Variants in MAGI2 observed in about 807,000 individuals in gnomAD.
The protein encoded by MAGI2 is membrane-associated guanylate kinase, WW and PDZ domain-containing protein 2.
Under a neutral mutation model 133.3 loss-of-function variants are expected in MAGI2, and 35 were observed. The observed-to-expected ratio is 0.26, with a 90% CI of 0.20 to 0.35. The LOEUF is 0.35. MAGI2 is among the 10% of genes least tolerant of loss of function. MAGI2 has a pLI of 1.00. For synonymous variants in MAGI2, 729 were observed against 710.6 expected, an observed-to-expected ratio of 1.03 and a Z score of -0.41; for missense variants, 1,636 against 1,863.4, an observed-to-expected ratio of 0.88 and a Z score of 2.25.
At chr7:79,217,859 G>T (rs1585230886) in intron 1 of MAGI2, among the ~76,000 whole-genome samples, 1 of 151,916 alleles carries the variant, frequency 6.6e-6, no homozygotes, top group East Asian at 1.9e-4. Context: ...AATAAATGGT[G>T]GTTATTATTA....
intron 21 of MAGI2, among the ~76,000 whole-genome samples, chr7:78,041,531 T>C (rs1810845699): frequency 6.6e-6 from 1 of 151,972 alleles, no homozygotes; most frequent in African/African-American, 2.4e-5. Context: ...AAAAATTAGC[T>C]GGGTGTGGTA....
chr7:78,127,341 C>T lies in MAGI2; in HGVS notation c.3279G>A (p.Gln1093=), dbSNP rs757351498. The change falls in exon 19 of 22, where the codon CAG becomes CAA. Residue 1093 remains glutamine (Q), a synonymous_variant. Coordinates refer to ENST00000354212, the MANE Select transcript of MAGI2 (RefSeq NM_012301.4). ...GGGGTTGCCTGTAATCCAGCGGGGG[C>T]TGCCTGTAGTCTGTGAATGGAGGCT... is the stretch of plus-strand genomic sequence containing the variant. ...IRQPPFTDYR[Q]PPLDYRQPPG... The T allele has an allele frequency of 1.3e-5, 21 of 1,610,874 alleles. 1 individual carries two copies. In the East Asian group the frequency reaches 3.3e-4, roughly 26 times the overall value.
chr7:79,098,668 T>C (rs17151948), intron 1 of MAGI2, among the ~76,000 whole-genome samples: 5,472 of 152,236 alleles, frequency 0.036, 207 homozygotes, highest in African/African-American at 0.097. Flanking sequence ...TGTATATTGT[T>C]CCAAATGCTG....
intron 1 of MAGI2, among the ~76,000 whole-genome samples, chr7:79,007,896 G>GC (rs1554330706): frequency 6.7e-6 from 1 of 149,996 alleles, no homozygotes; most frequent in African/African-American, 2.4e-5. Context: ...AGAATGTAGG[G>GC]TTTTTTTTTC....
chr7:79,360,399 G>A (rs1307442997), intron 1 of MAGI2, among the ~76,000 whole-genome samples: 3 of 150,440 alleles, frequency 2.0e-5, no homozygotes, highest in African/African-American at 7.4e-5. Flanking sequence ...AAATAGAAAG[G>A]AAATAATAAA....
At chr7:78,380,556 C>T (rs1160471889) in intron 6 of MAGI2, among the ~76,000 whole-genome samples, 1 of 151,952 alleles carries the variant, frequency 6.6e-6, no homozygotes, top group African/African-American at 2.4e-5. Context: ...AACAACCGAA[C>T]TCATGAATAT....
chr7:78,152,982 A>C (rs1295452100), intron 16 of MAGI2, among the ~76,000 whole-genome samples: 1 of 152,258 alleles, frequency 6.6e-6, no homozygotes, highest in African/African-American at 2.4e-5. Context: ...TGTGCAAACC[A>C]GTGAGAAATA....
Position 79,186,801 on chromosome 7 carries a change from A to G in MAGI2, c.302-179595T>C, listed in dbSNP as rs1419355602. Among the ~76,000 whole-genome samples, 9 of 147,520 alleles carry G rather than the reference A, an allele frequency of 6.1e-5. No individual in the cohort carries two copies. In the South Asian group the frequency reaches 1.9e-3, roughly 31 times the overall value. ...TACACACACACAAAAGTATATATAT[A>G]TATAAACATAGGATACCAGAATCCC... On this transcript the variant is annotated intron_variant, in intron 1 of 21. Coordinates refer to ENST00000354212, the MANE Select transcript of MAGI2 (RefSeq NM_012301.4).
intron 2 of MAGI2, among the ~76,000 whole-genome samples, chr7:78,857,703 T>C (rs1289861013): frequency 6.6e-6 from 1 of 152,166 alleles, no homozygotes; most frequent in Non-Finnish European, 1.5e-5. Context: ...GGGATATTGG[T>C]CTAAAATTCT....
chr7:78,929,598 C>A (rs774001046), intron 2 of MAGI2, among the ~76,000 whole-genome samples: 1 of 151,930 alleles, frequency 6.6e-6, no homozygotes, highest in East Asian at 1.9e-4. Flanking sequence ...CCCAGTTTTC[C>A]GTCTTCAAAA....
Position 79,223,508 on chromosome 7 carries a change from A to T in MAGI2, c.302-216302T>A, listed in dbSNP as rs947202648. On this transcript the variant is annotated intron_variant, in intron 1 of 21. Coordinates refer to ENST00000354212, the MANE Select transcript of MAGI2 (RefSeq NM_012301.4). The stretch of plus-strand genomic sequence containing the variant: ...AATCTTCCTAAAATTCCTATGAGGA[A>T]GATACTACCATCTCCATTTTTCAGA... Among the ~76,000 whole-genome samples the T allele has an allele frequency of 5.9e-5, 9 of 152,028 alleles. No individual in the cohort carries two copies. The East Asian group carries it at 1.2e-3, about 20-fold the overall frequency.
chr7:78,256,719 A>G, intron 9 of MAGI2, 138 bp from the exon 10 acceptor site: 1 of 704,640 alleles, frequency 1.4e-6, no homozygotes, highest in Non-Finnish European at 2.3e-6. Context: ...AATACTTAAA[A>G]TCACTGTGGG....
chr7:78,998,000 G>A (rs978166407), intron 2 of MAGI2, among the ~76,000 whole-genome samples: 2 of 152,086 alleles, frequency 1.3e-5, no homozygotes, highest in African/African-American at 2.4e-5. Context: ...TAAAAGCTTT[G>A]TATTTCTCAT....
chr7:78,984,294 C>T (rs114402824), intron 2 of MAGI2, among the ~76,000 whole-genome samples: 34 of 152,092 alleles, frequency 2.2e-4, no homozygotes, highest in African/African-American at 7.5e-4. Flanking sequence ...TCTCCATACA[C>T]AGCCAGAGTT....
intron 2 of MAGI2, among the ~76,000 whole-genome samples, chr7:78,807,590 C>T (rs1231179222): frequency 6.6e-6 from 1 of 152,070 alleles, no homozygotes; most frequent in Non-Finnish European, 1.5e-5. Context: ...GGCTAGTTAC[C>T]TGCACTATTC....
At chr7:78,150,654 C>A (rs1044262116) in intron 16 of MAGI2, among the ~76,000 whole-genome samples, 3 of 152,112 alleles carry the variant, frequency 2.0e-5, no homozygotes, top group African/African-American at 7.2e-5. Flanking sequence ...CCACTGATCA[C>A]CCATTTATGA....
rs569254418 is a variant in MAGI2 at position 78,209,107 on chromosome 7, A to G, written c.2048-7914T>C. Among the ~76,000 whole-genome samples, 120 of 120,734 alleles carry G rather than the reference A, an allele frequency of 9.9e-4. 1 individual carries two copies. Among genetic ancestry groups the G allele is most frequent in the Middle Eastern group, 8.1e-3 (2 of 246 alleles). The allele number at this position is 120,734 out of a possible 152,430, so 79.2% of individuals were successfully genotyped here. A position where few individuals can be genotyped will look rare whatever the true frequency, so the allele number is the denominator to read the frequency against. ...CGTGGTGGCGGGCGCCTGTAGTCCC[A>G]GCTACTTGGGAGGCTGAGGCAGGAG... On this transcript the variant is annotated intron_variant, in intron 10 of 21. Coordinates refer to ENST00000354212, the MANE Select transcript of MAGI2 (RefSeq NM_012301.4).
Position 78,020,044 on chromosome 7 carries a change from G to A in MAGI2, c.3707-68C>T. 11 of 1,393,734 alleles carry A rather than the reference G, an allele frequency of 7.9e-6. No individual in the cohort carries two copies. In the South Asian group the frequency reaches 1.4e-4, roughly 17 times the overall value. The allele number at this position is 1,393,734 out of a possible 1,614,324, so 86.3% of individuals were successfully genotyped here. A position where few individuals can be genotyped will look rare whatever the true frequency, so the allele number is the denominator to read the frequency against. On this transcript the variant is annotated intron_variant, in intron 21 of 21. Transcript: ENST00000354212. ...ACGTCCCCGTGCCCTCTCTACGCCG[G>A]GGACAGGGGCAGGCAGCTGGGGCGA...
chr7:79,448,124 C>T (rs908866193), intron 1 of MAGI2, among the ~76,000 whole-genome samples: 2 of 151,630 alleles, frequency 1.3e-5, no homozygotes, highest in African/African-American at 4.8e-5. Context: ...AAACAAATTA[C>T]TATGTAAAAA....
Sources: allele counts gnomAD v4.1 joint callset (sites outside exome capture counted in the v4.1 genomes callset), GRCh38; gene constraint gnomAD v4.1.1; transcripts MANE v1.5; gene names NCBI Gene and HGNC (gene_info 2026-07-23, HGNC 2026-07-21).